Variants in SDCCAG8 observed in about 807,000 individuals in gnomAD.
The protein encoded by SDCCAG8 is serologically defined colon cancer antigen 8.
A neutral mutation model predicts 101.8 loss-of-function variants in SDCCAG8; 74 were observed. That is an observed-to-expected ratio of 0.73 (90% CI 0.60 to 0.88). The LOEUF is 0.88. Among genes scored for constraint, SDCCAG8 ranks in the 40% least tolerant of loss-of-function variants. The pLI, the probability that SDCCAG8 is intolerant of heterozygous loss-of-function variation, is 0.00. For missense variants in SDCCAG8, 787 were observed against 822.6 expected (o/e 0.96, Z 0.53); for synonymous variants, 281 against 292.9 (o/e 0.96, Z 0.41).
intron 16 of SDCCAG8, chr1:243,487,887 TG>T (rs956491713): frequency 2.2e-4 from 34 of 152,682 alleles, no homozygotes; most frequent in African/African-American, 8.2e-4. Flanking sequence ...TGGTGCGTTC[TG>T]GGGAAGGGTC....
At chr1:243,479,862 C>G (rs779694882) in intron 16 of SDCCAG8, among the ~76,000 whole-genome samples, 24 of 151,984 alleles carry the variant, frequency 1.6e-4, no homozygotes, top group Non-Finnish European at 3.1e-4. Flanking sequence ...TTAGAATGTA[C>G]CAGTGGTTCT....
At chr1:243,477,985 A>G (rs1662760197) in intron 16 of SDCCAG8, among the ~76,000 whole-genome samples, 1 of 152,240 alleles carries the variant, frequency 6.6e-6, no homozygotes, top group South Asian at 2.1e-4. Flanking sequence ...GTACTCCACA[A>G]AACCATTAGT....
intron 11 of SDCCAG8, among the ~76,000 whole-genome samples, chr1:243,343,966 G>T (rs1015363028): frequency 3.3e-5 from 5 of 152,220 alleles, no homozygotes; most frequent in African/African-American, 1.2e-4. Context: ...ATAATCTTGG[G>T]CACATTACTT....
intron 13 of SDCCAG8, among the ~76,000 whole-genome samples, chr1:243,386,665 A>G (rs1407483766): frequency 6.6e-6 from 1 of 152,058 alleles, no homozygotes; most frequent in Non-Finnish European, 1.5e-5. Context: ...AGGCAGGAGA[A>G]TCTCTTGAAC....
At chr1:243,431,788 G>C (rs185873537) in intron 16 of SDCCAG8, among the ~76,000 whole-genome samples, 1 of 152,142 alleles carries the variant, frequency 6.6e-6, no homozygotes, top group African/African-American at 2.4e-5. Context: ...CTGAGCACCT[G>C]TGTCCTCTCA....
chr1:243,430,171 GA>G (rs2148054326), intron 16 of SDCCAG8, among the ~76,000 whole-genome samples: 1 of 152,214 alleles, frequency 6.6e-6, no homozygotes, highest in East Asian at 1.9e-4. Context: ...GCTTCAATGA[GA>G]ACATGACATT....
At chr1:243,357,299 A>T (rs1189015727) in intron 12 of SDCCAG8, among the ~76,000 whole-genome samples, 1 of 152,016 alleles carries the variant, frequency 6.6e-6, no homozygotes, top group African/African-American at 2.4e-5. Context: ...GAATCGCTTG[A>T]ACCTGGGAGA....
chr1:243,332,960 A>C (rs1327643296), intron 10 of SDCCAG8, among the ~76,000 whole-genome samples: 1 of 152,246 alleles, frequency 6.6e-6, no homozygotes, highest in Non-Finnish European at 1.5e-5. Context: ...TTCTTTAAAG[A>C]CTGTTTCAAA....
rs1235109256 is a variant in SDCCAG8, at chr1:243,293,759, C to T, written c.675+540C>T. Among the ~76,000 whole-genome samples the T allele has an allele frequency of 2.0e-5, 3 of 152,126 alleles. No individual in the cohort carries two copies. The East Asian group carries it at 5.8e-4, about 29-fold the overall frequency. On this transcript the variant is annotated intron_variant, in intron 6 of 17. Transcript: ENST00000366541. ...GCTGTGAACATTGGCATATGAGAATCTGTTTGAATCCCTGTTTCAATTATT... is the reference window on the plus strand; with the variant it reads ...GCTGTGAACATTGGCATATGAGAATTTGTTTGAATCCCTGTTTCAATTATT...
At chr1:243,461,555 T>C (rs1247582839) in intron 16 of SDCCAG8, among the ~76,000 whole-genome samples, 2 of 152,188 alleles carry the variant, frequency 1.3e-5, no homozygotes, top group Non-Finnish European at 1.5e-5. Context: ...TTTCTTCATC[T>C]TCAAAAAATT....
intron 12 of SDCCAG8, among the ~76,000 whole-genome samples, chr1:243,346,819 A>G (rs1250027153): frequency 6.6e-6 from 1 of 152,154 alleles, no homozygotes; most frequent in African/African-American, 2.4e-5. Context: ...GAGAATGTGA[A>G]ATATGCTCTT....
At chr1:243,295,352 C>T (rs1202837973) in intron 6 of SDCCAG8, among the ~76,000 whole-genome samples, 1 of 152,140 alleles carries the variant, frequency 6.6e-6, no homozygotes, top group Non-Finnish European at 1.5e-5. Context: ...ATTCTCCTGC[C>T]TCAGCACCCC....
rs1006503974 is a variant in SDCCAG8, at chr1:243,357,068, T to C, written c.1473+12737T>C. ...TTTCAGAAGATGCTTCTTACCCACA[T>C]AGCAATGGAATTTATGAAGGTAACT... On this transcript the variant is annotated intron_variant, in intron 12 of 17. Transcript: ENST00000366541. 2.6e-5 allele frequency among the ~76,000 whole-genome samples: 4 copies of C among 152,244 alleles called. No homozygotes were observed. In the East Asian group the frequency reaches 7.7e-4, roughly 29 times the overall value.
intron 16 of SDCCAG8, among the ~76,000 whole-genome samples, chr1:243,471,604 A>C (rs1284250868): frequency 6.6e-6 from 1 of 151,966 alleles, no homozygotes; most frequent in Admixed American, 6.6e-5. Context: ...CTGCCCTGCT[A>C]TCAGGGGTTG....
chr1:243,279,796 T>C (rs1367245026), intron 4 of SDCCAG8, among the ~76,000 whole-genome samples: 3 of 152,314 alleles, frequency 2.0e-5, no homozygotes, highest in African/African-American at 7.2e-5. Flanking sequence ...TTGTTGGATT[T>C]GATTTGCTAG....
chr1:243,413,409 T>C (rs145153909), intron 13 of SDCCAG8, among the ~76,000 whole-genome samples: 1,767 of 152,294 alleles, frequency 0.012, 43 homozygotes, highest in African/African-American at 0.041. Flanking sequence ...TTTTGCCTTG[T>C]TGGCCATGCT....
intron 16 of SDCCAG8, among the ~76,000 whole-genome samples, chr1:243,484,556 GT>G (rs763992463): frequency 1.3e-5 from 2 of 152,242 alleles, no homozygotes; most frequent in Non-Finnish European, 2.9e-5. Flanking sequence ...CATGAGCCAT[GT>G]CTAAGCAGGC....
intron 12 of SDCCAG8, among the ~76,000 whole-genome samples, chr1:243,376,141 T>G (rs895449808): frequency 6.6e-6 from 1 of 152,192 alleles, no homozygotes; most frequent in African/African-American, 2.4e-5. Context: ...CATATATTCT[T>G]AGGTGGGTCA....
At chr1:243,345,486 G>C (rs1425115214) in intron 12 of SDCCAG8, among the ~76,000 whole-genome samples, 1 of 152,160 alleles carries the variant, frequency 6.6e-6, no homozygotes, top group Admixed American at 6.5e-5. Flanking sequence ...CCTGATAGTG[G>C]AATGGAAAAT....
Sources: gnomAD v4.1 joint callset for allele counts (sites outside exome capture counted in the v4.1 genomes callset) on GRCh38, gnomAD v4.1.1 for gene constraint, MANE v1.5 for transcripts, NCBI Gene and HGNC (gene_info 2026-07-23, HGNC 2026-07-21) for gene names.